The following NELL1 variants were observed in gnomAD, a reference collection of about 807,000 sequenced individuals.
The protein encoded by NELL1 is neural EGFL like 1.
Under a neutral mutation model 107.4 loss-of-function variants are expected in NELL1, and 76 were observed. That is an observed-to-expected ratio of 0.71 (90% CI 0.59 to 0.86). The LOEUF is 0.86. Ranked by LOEUF, NELL1 falls within the 40% of genes least tolerant of loss-of-function variation. NELL1 has a pLI of 0.00. For missense variants in NELL1, 1,024 were observed against 1,005.5 expected (o/e 1.02, Z -0.25); for synonymous variants, 353 against 341.2 (o/e 1.03, Z -0.38).
rs866486367 is a variant in NELL1, at chr11:20,826,450, T to C, written c.336-21133T>C. ...GCCTAGCTGTAAGGAAGATGGTGAA[T>C]GTGACCTTTATTCTAGATGGCCGTG... On this transcript the variant is annotated intron_variant, in intron 3 of 19. Transcript: ENST00000357134. Among the ~76,000 whole-genome samples the C allele has an allele frequency of 5.3e-5, 8 of 151,396 alleles. 1 individual carries two copies. The Middle Eastern group carries it at 0.01, about 196-fold the overall frequency.
chr11:21,503,509 A>G (rs969857248), intron 15 of NELL1, among the ~76,000 whole-genome samples: 4 of 152,162 alleles, frequency 2.6e-5, no homozygotes, highest in African/African-American at 9.7e-5. Context: ...TCTCCTATCT[A>G]TGTGAGCCTC....
chr11:20,820,266 A>G (rs1009065426), intron 3 of NELL1, among the ~76,000 whole-genome samples: 2 of 152,200 alleles, frequency 1.3e-5, no homozygotes, highest in Non-Finnish European at 1.5e-5. Context: ...CCTGACAAAT[A>G]TTAGTGGAAG....
intron 15 of NELL1, among the ~76,000 whole-genome samples, chr11:21,431,890 A>G (rs1407184954): frequency 6.6e-6 from 1 of 152,030 alleles, no homozygotes; most frequent in Non-Finnish European, 1.5e-5. Flanking sequence ...AAACTACTTG[A>G]GTTTTTATGT....
intron 5 of NELL1, among the ~76,000 whole-genome samples, chr11:20,911,383 T>C (rs535668179): frequency 6.6e-6 from 1 of 152,346 alleles, no homozygotes; most frequent in Non-Finnish European, 1.5e-5. Flanking sequence ...ATTGTGTAGG[T>C]CAGGCAATTG....
intron 15 of NELL1, among the ~76,000 whole-genome samples, chr11:21,391,383 T>A (rs1851875275): frequency 6.6e-6 from 1 of 151,658 alleles, no homozygotes; most frequent in African/African-American, 2.4e-5. Context: ...ACCTTTCAAC[T>A]TAAAAATCCC....
chr11:20,824,339 G>A (rs1473822463), intron 3 of NELL1, among the ~76,000 whole-genome samples: 2 of 151,292 alleles, frequency 1.3e-5, no homozygotes, highest in African/African-American at 2.4e-5. Context: ...TTCATTAGCA[G>A]TGTGAGAACA....
chr11:21,557,129 T>C (rs1055041631), intron 16 of NELL1, among the ~76,000 whole-genome samples: 3 of 152,026 alleles, frequency 2.0e-5, no homozygotes, highest in African/African-American at 7.2e-5. Flanking sequence ...ATAATGTTGG[T>C]TTCCATAATT....
intron 14 of NELL1, among the ~76,000 whole-genome samples, chr11:21,278,662 A>C (rs1848924181): frequency 1.3e-5 from 2 of 152,200 alleles, no homozygotes; most frequent in African/African-American, 4.8e-5. Context: ...GAGATAATCC[A>C]TGTTTATGGA....
chr11:21,256,154 C>T (rs1018717174), intron 14 of NELL1, among the ~76,000 whole-genome samples: 35 of 152,092 alleles, frequency 2.3e-4, no homozygotes, highest in African/African-American at 7.2e-4. Context: ...ATGTCCAACA[C>T]GACCATTCAT....
At chr11:21,059,554 G>C (rs1461499856) in intron 12 of NELL1, among the ~76,000 whole-genome samples, 2 of 152,134 alleles carry the variant, frequency 1.3e-5, no homozygotes, top group Non-Finnish European at 2.9e-5. Context: ...ATTTCACCAA[G>C]CCATAGAAAA....
At chr11:21,325,212 C>T (rs749086988) in intron 14 of NELL1, among the ~76,000 whole-genome samples, 34 of 151,984 alleles carry the variant, frequency 2.2e-4, no homozygotes, top group Admixed American at 4.6e-4. Flanking sequence ...TCTCTTATAT[C>T]GTGTTTTGTC....
At chr11:21,108,834 G>T (rs1855034948) in intron 12 of NELL1, among the ~76,000 whole-genome samples, 1 of 152,132 alleles carries the variant, frequency 6.6e-6, no homozygotes, top group Non-Finnish European at 1.5e-5. Flanking sequence ...AACAGAGAAT[G>T]TAATGCCAGA....
chr11:21,445,483 T>C (rs778763985), intron 15 of NELL1, among the ~76,000 whole-genome samples: 4 of 151,942 alleles, frequency 2.6e-5, no homozygotes, highest in East Asian at 1.9e-4. Flanking sequence ...TGCACCACCA[T>C]GCCTGGCTAA....
At chr11:21,027,423 GATT>G (rs1314867469) in intron 12 of NELL1, among the ~76,000 whole-genome samples, 1 of 151,996 alleles carries the variant, frequency 6.6e-6, no homozygotes, top group African/African-American at 2.4e-5. Context: ...ATACACTAGT[GATT>G]ATTAACAAAG....
At chr11:21,574,012 A>C (rs1173778251) in intron 19 of NELL1, among the ~76,000 whole-genome samples, 1 of 151,852 alleles carries the variant, frequency 6.6e-6, no homozygotes, top group Non-Finnish European at 1.5e-5. Context: ...AGACATCCTC[A>C]TGTGTCATTA....
At chr11:20,896,404 G>A (rs1055518218) in intron 5 of NELL1, among the ~76,000 whole-genome samples, 2 of 152,002 alleles carry the variant, frequency 1.3e-5, no homozygotes, top group African/African-American at 2.4e-5. Flanking sequence ...GGCTGGTTCC[G>A]TGTCTTTGCA....
intron 5 of NELL1, among the ~76,000 whole-genome samples, chr11:20,904,931 T>C (rs886620328): frequency 6.6e-6 from 1 of 151,890 alleles, no homozygotes; most frequent in Non-Finnish European, 1.5e-5. Context: ...TGGGCTCGTG[T>C]AATCATCCCA....
In NELL1 at chr11:20,728,581, T is replaced by C. The variant is rs576902081; in HGVS notation, c.184+50521T>C. ...AATAGGAAATCCTTTCTTCATTGCT[T>C]ATTTTTTTTTTTCAACTTTGTTAAT... On this transcript the variant is annotated intron_variant, in intron 2 of 19. Coordinates refer to ENST00000357134, the MANE Select transcript of NELL1 (RefSeq NM_006157.5). Among the ~76,000 whole-genome samples, 3 of 148,406 alleles carry C rather than the reference T, an allele frequency of 2.0e-5. No individual in the cohort carries two copies. In the East Asian group the frequency reaches 6.1e-4, roughly 30 times the overall value.
At chr11:21,025,690 G>C (rs1258866778) in intron 12 of NELL1, among the ~76,000 whole-genome samples, 3 of 151,972 alleles carry the variant, frequency 2.0e-5, no homozygotes. Context: ...TGTGGTTTTA[G>C]ATAGCATCTA....
Sources: allele counts gnomAD v4.1 joint callset (sites outside exome capture counted in the v4.1 genomes callset), GRCh38; gene constraint gnomAD v4.1.1; transcripts MANE v1.5; gene names NCBI Gene and HGNC (gene_info 2026-07-23, HGNC 2026-07-21).